Variants in PDE8B observed in about 807,000 individuals in gnomAD.
The protein encoded by PDE8B is phosphodiesterase 8B.
PDE8B carries 26 observed loss-of-function variants against 101.3 expected under a neutral mutation model. The ratio of observed to expected loss-of-function variants is 0.26; its 90% CI spans 0.19 to 0.36. The LOEUF is 0.36. Ranked by LOEUF, PDE8B falls within the 10% of genes least tolerant of loss-of-function variation. The pLI is 1.00. For missense variants in PDE8B, 810 were observed against 1,163.1 expected (o/e 0.70, Z 4.42); for synonymous variants, 424 against 429.3 (o/e 0.99, Z 0.15).
chr5:77,328,878 A>T (rs1776572456), intron 3 of PDE8B, 120 bp from the exon 4 acceptor site: 2 of 780,204 alleles, frequency 2.6e-6, no homozygotes, highest in South Asian at 1.4e-5. Flanking sequence ...CTGTGTTTTG[A>T]GACGTTTTCT....
chr5:77,390,381 G>T (rs969581620), intron 10 of PDE8B, among the ~76,000 whole-genome samples: 9 of 152,230 alleles, frequency 5.9e-5, no homozygotes, highest in African/African-American at 1.2e-4. Context: ...AGGAATCCCA[G>T]CTTCGAGCTC....
the PDE8B span, among the ~76,000 whole-genome samples, chr5:77,159,376 A>C: frequency 5.9e-5 from 9 of 152,166 alleles, no homozygotes; most frequent in Admixed American, 2.6e-4. Flanking sequence ...AGCAGATATA[A>C]AGCAGGCAGA....
intron 10 of PDE8B, among the ~76,000 whole-genome samples, chr5:77,390,171 A>G (rs1789614778): frequency 6.6e-6 from 1 of 152,226 alleles, no homozygotes; most frequent in African/African-American, 2.4e-5. Context: ...AATGACCCTG[A>G]AATCATGCAC....
the PDE8B span, among the ~76,000 whole-genome samples, chr5:77,107,516 T>A: frequency 6.6e-6 from 1 of 152,190 alleles, no homozygotes; most frequent in Non-Finnish European, 1.5e-5. Flanking sequence ...TTTTCTTTAT[T>A]TTTCATGCCT....
chr5:77,344,805 T>C, intron 6 of PDE8B, 48 bp from the exon 7 acceptor site: 1 of 1,157,098 alleles, frequency 8.6e-7, no homozygotes, highest in Non-Finnish European at 1.3e-6. Context: ...AGATGAAATG[T>C]GAATGGTTTT....
At chr5:77,380,764 T>G (rs1284209312) in intron 10 of PDE8B, among the ~76,000 whole-genome samples, 1 of 152,230 alleles carries the variant, frequency 6.6e-6, no homozygotes, top group Admixed American at 6.5e-5. Flanking sequence ...AAATAAGTAC[T>G]GATTTATGAA....
At chr5:77,086,965 G>GGCCCGGAGAAGGGCA in the PDE8B span, 1 of 152,274 alleles carries the variant, frequency 6.6e-6, no homozygotes, top group African/African-American at 2.4e-5. Context: ...CGCGACAGCC[G>GGCCCGGAGAAGGGCA]GCCCGGAGAA....
chr5:77,291,356 A>C, intron 1 of PDE8B: 1 of 1,612,200 alleles, frequency 6.2e-7, no homozygotes, highest in Non-Finnish European at 8.5e-7. Context: ...CAAAGAAAGA[A>C]GGTAGCACAG....
rs1258972731 is a variant in PDE8B, at chr5:77,325,877, G to A, written c.590+148G>A. On this transcript the variant is annotated intron_variant, in intron 3 of 21. Transcript: ENST00000264917. The stretch of plus-strand genomic sequence containing the variant: ...GTGTATACAGATGTCTGTGGTGAAA[G>A]CTATAGCTCCTTCCTGTAGATTTCT... 1.2e-5 allele frequency: 8 copies of A among 659,028 alleles called. No individual in the cohort carries two copies. In the East Asian group the frequency reaches 2.2e-4, roughly 18 times the overall value. 40.8% of individuals were successfully genotyped at this position (659,028 alleles called of 1,614,324 possible).
At chr5:77,214,936 T>C (rs1426474208) in intron 1 of PDE8B, among the ~76,000 whole-genome samples, 4 of 152,152 alleles carry the variant, frequency 2.6e-5, no homozygotes, top group Admixed American at 2.6e-4. Flanking sequence ...TGAATTAAAT[T>C]ATCTGTCTGT....
upstream of PDE8B, chr5:77,210,504 AGGCGGGCAGGCG>A (rs935626886): frequency 3.4e-5 from 14 of 410,550 alleles, no homozygotes; most frequent in Non-Finnish European, 4.3e-5. The surrounding 1 kb of genome is among the most constrained non-coding windows in gnomAD (Gnocchi z 4.9). Context: ...AGGTGCAGGC[AGGCGGGCAGGCG>A]GGCGGGCGCC....
chr5:77,298,782 T>C (rs1342297547), intron 1 of PDE8B, among the ~76,000 whole-genome samples: 1 of 152,158 alleles, frequency 6.6e-6, no homozygotes, highest in Non-Finnish European at 1.5e-5. Context: ...GCTCCGTGAA[T>C]TGGTCTTCTT....
At chr5:77,425,621 TA>T (rs1489576864) in intron 20 of PDE8B, 145 bp from the exon 21 acceptor site, 13 of 787,856 alleles carry the variant, frequency 1.7e-5, no homozygotes, top group Non-Finnish European at 4.4e-6. Context: ...CTGACTTACG[TA>T]AGTCTGAGGA....
At chr5:77,335,375 A>G (rs1378201509) in intron 5 of PDE8B, among the ~76,000 whole-genome samples, 1 of 152,180 alleles carries the variant, frequency 6.6e-6, no homozygotes, top group African/African-American at 2.4e-5. Context: ...ATCAAACAGA[A>G]AGTATTTCCC....
the PDE8B span, among the ~76,000 whole-genome samples, chr5:77,090,899 T>C: frequency 8.7e-3 from 1,322 of 152,342 alleles, 13 homozygotes; most frequent in Middle Eastern, 0.027. Flanking sequence ...TTCTTGGAGA[T>C]AGTATTTTTA....
At chr5:77,347,026 A>G (rs1018127609) in intron 7 of PDE8B, among the ~76,000 whole-genome samples, 1 of 152,184 alleles carries the variant, frequency 6.6e-6, no homozygotes, top group Non-Finnish European at 1.5e-5. Context: ...TAGAAGCAAT[A>G]TCTACCTATC....
In PDE8B at chr5:77,237,895, C is replaced by G. The variant is rs79454378; in HGVS notation, c.339+26631C>G. On this transcript the variant is annotated intron_variant, in intron 1 of 21. Coordinates refer to ENST00000264917, the MANE Select transcript of PDE8B (RefSeq NM_003719.5). ...CTGAGTGAACAGGTTCCCCCCACCCCAGGACTTTGAAGATGATATTTCACT... is the reference window on the plus strand; with the variant it reads ...CTGAGTGAACAGGTTCCCCCCACCCGAGGACTTTGAAGATGATATTTCACT... Among the ~76,000 whole-genome samples the G allele has an allele frequency of 6.9e-3, 1,050 of 152,222 alleles. 12 individuals carry two copies. The highest frequency in any genetic ancestry group is 0.024 in the African/African-American group (992 of 41,524).
At chr5:77,262,580 G>A (rs752041112) in intron 1 of PDE8B, among the ~76,000 whole-genome samples, 8 of 152,188 alleles carry the variant, frequency 5.3e-5, no homozygotes, top group Non-Finnish European at 8.8e-5. Flanking sequence ...TATATTGCAT[G>A]TCTGCATTTA....
rs74660364 is a variant in PDE8B at position 77,265,729 on chromosome 5, G to A, written c.340-46265G>A. 4.9e-3 allele frequency among the ~76,000 whole-genome samples: 744 copies of A among 152,238 alleles called. 6 individuals are homozygous for A. Among genetic ancestry groups the A allele is most frequent in the African/African-American group, 0.017 (716 of 41,528 alleles). On this transcript the variant is annotated intron_variant, in intron 1 of 21. Transcript: ENST00000264917. ...CCTATGTTTGTCATGCTAGGGAAGCGTAAGAATGTTCTTTGGGTATTCTTT... is the reference window on the plus strand; with the variant it reads ...CCTATGTTTGTCATGCTAGGGAAGCATAAGAATGTTCTTTGGGTATTCTTT...
Sources: allele counts gnomAD v4.1 joint callset (sites outside exome capture counted in the v4.1 genomes callset), GRCh38; gene constraint gnomAD v4.1.1; non-coding constraint Gnocchi (gnomAD v3.1); transcripts MANE v1.5; gene names NCBI Gene and HGNC (gene_info 2026-07-23, HGNC 2026-07-21).